The following EIF4H variants were observed in gnomAD, a reference collection of about 807,000 sequenced individuals.
EIF4H encodes Williams-Beuren syndrome chromosome region 1.
In EIF4H, 8 loss-of-function variants were observed where a neutral mutation model predicts 30.6. That is an observed-to-expected ratio of 0.26 (90% CI 0.15 to 0.47). The LOEUF (loss-of-function observed/expected upper bound fraction) is 0.47, where lower values mean the gene tolerates loss of function less well. EIF4H is among the 20% of genes least tolerant of loss of function. The pLI is 0.99. For missense variants in EIF4H, 188 were observed against 339.5 expected (o/e 0.55, Z 3.51); for synonymous variants, 106 against 122.7 (o/e 0.86, Z 0.90).
At chr7:74,193,965 G>C (rs1236783819) in intron 5 of EIF4H, among the ~76,000 whole-genome samples, 1 of 152,186 alleles carries the variant, frequency 6.6e-6, no homozygotes, top group Non-Finnish European at 1.5e-5. Context: ...GTACAAGCCT[G>C]AAGGCCCCTT....
intron 1 of EIF4H, among the ~76,000 whole-genome samples, chr7:74,185,793 T>G (rs1801066959): frequency 6.6e-6 from 1 of 152,118 alleles, no homozygotes; most frequent in South Asian, 2.1e-4. Flanking sequence ...GGGCAGGTCT[T>G]GGGTTGTTGT....
At chr7:74,186,255 G>T (rs1437064719) in intron 1 of EIF4H, among the ~76,000 whole-genome samples, 2 of 145,708 alleles carry the variant, frequency 1.4e-5, no homozygotes, top group Non-Finnish European at 1.5e-5. Context: ...ATGGACTCTC[G>T]CTCTGTCGCC....
rs1563954365 is a variant in EIF4H, at chr7:74,191,438, A to G, written c.469+1132A>G. On this transcript the variant is annotated intron_variant, in intron 5 of 6. Coordinates refer to ENST00000265753, the MANE Select transcript of EIF4H (RefSeq NM_022170.2). ...TGGCCACTGGCGCTCAAGCAGAGACACAGTGAACACGGCCATGGCCTGGCC... is the reference window on the plus strand; with the variant it reads ...TGGCCACTGGCGCTCAAGCAGAGACGCAGTGAACACGGCCATGGCCTGGCC... 1.1e-5 allele frequency: 4 copies of G among 366,602 alleles called. No individual in the cohort carries two copies. The East Asian group carries it at 3.0e-4, about 27-fold the overall frequency. The allele number at this position is 366,602 out of a possible 1,614,324, so 22.7% of individuals were successfully genotyped here.
chr7:74,188,292 T>C (rs1801133110), intron 2 of EIF4H, among the ~76,000 whole-genome samples: 1 of 152,172 alleles, frequency 6.6e-6, no homozygotes, highest in Admixed American at 6.5e-5. Context: ...ATTTCAGATA[T>C]GGTGTCTATA....
intron 5 of EIF4H, among the ~76,000 whole-genome samples, chr7:74,193,715 C>T (rs973596360): frequency 2.0e-5 from 3 of 151,804 alleles, no homozygotes; most frequent in African/African-American, 7.3e-5. Flanking sequence ...CAGGTTCGAG[C>T]GATTATCCTG....
At position 74,174,410 on chromosome 7, in the gene EIF4H, T is replaced by C; in HGVS notation, c.27T>C (p.Asp9=). The C allele has an allele frequency of 6.9e-7, 1 of 1,457,792 alleles. No homozygotes were observed. The highest frequency in any genetic ancestry group is 1.4e-5 in the South Asian group (1 of 72,914). The allele number at this position is 1,457,792 out of a possible 1,614,324, so 90.3% of individuals were successfully genotyped here. ...TGGCGGACTTCGACACCTACGACGA[T>C]CGGGCCTACAGCAGCTTCGGCGGCG... is the stretch of plus-strand genomic sequence containing the variant. The part of the protein sequence containing the change: MADFDTYD[D]RAYSSFGGGR... The change falls in exon 1 of 7, where the codon GAT becomes GAC. Residue 9 remains aspartate (D), a synonymous_variant. Coordinates refer to ENST00000265753, the MANE Select transcript of EIF4H (RefSeq NM_022170.2).
At chr7:74,176,583 T>C (rs1238071352) in intron 1 of EIF4H, among the ~76,000 whole-genome samples, 5 of 152,214 alleles carry the variant, frequency 3.3e-5, no homozygotes, top group Non-Finnish European at 5.9e-5. Flanking sequence ...TCTGAATTAC[T>C]TGGGTCACAG....
chr7:74,174,622 C>G (rs1156424449), intron 1 of EIF4H, among the ~76,000 whole-genome samples, 180 bp downstream of exon 1: 2 of 152,110 alleles, frequency 1.3e-5, no homozygotes, highest in Non-Finnish European at 2.9e-5. Flanking sequence ...GGGGCGGCGG[C>G]GGCTGGGCTC....
In EIF4H at chr7:74,191,052, C is replaced by G. The variant is rs1042893061; in HGVS notation, c.469+746C>G. On this transcript the variant is annotated intron_variant, in intron 5 of 6. Transcript: ENST00000265753. ...GTATAGAACGTCAGCACCCTCCCCC[C>G]ATCAAAACAAAACCGGTGTAAAGTA... The G allele has an allele frequency of 1.5e-5, 6 of 404,824 alleles. 1 individual carries two copies. Among genetic ancestry groups the G allele is most frequent in the African/African-American group, 1.3e-4 (6 of 46,828 alleles). The allele number at this position is 404,824 out of a possible 1,614,324, so 25.1% of individuals were successfully genotyped here.
intron 5 of EIF4H, among the ~76,000 whole-genome samples, chr7:74,190,658 T>C (rs1271338123): frequency 6.6e-6 from 1 of 152,170 alleles, no homozygotes; most frequent in Admixed American, 6.5e-5. Context: ...CTGGAAAACA[T>C]AGGATAGAGG....
At position 74,190,301 on chromosome 7, in the gene EIF4H, A is replaced by G. The variant is rs373771109; in HGVS notation, c.464A>G (p.Asn155Ser). 5 of 1,614,046 alleles carry G rather than the reference A, an allele frequency of 3.1e-6. No homozygotes were observed. The highest frequency in any genetic ancestry group is 3.3e-5 in the Admixed American group (2 of 60,006). The change falls in exon 5 of 7, where the codon AAT becomes AGT. Residue 155 changes from asparagine to serine, a missense_variant. Around this residue, in one of 4 missense-constraint regions of EIF4H, gnomAD observed 76 missense variants for 85.8 expected, o/e 0.89. Coordinates refer to ENST00000265753, the MANE Select transcript of EIF4H (RefSeq NM_022170.2). ...RGGWDSRDDF[N>S]SGFRDDFLGG... Reference sequence around the variant, plus strand: ...GGATGGGATTCCCGGGATGACTTCAATTCTGGTATCAGTATTTAAAGTATC... The same window carrying G: ...GGATGGGATTCCCGGGATGACTTCAGTTCTGGTATCAGTATTTAAAGTATC...
At chr7:74,175,170 A>G (rs1554707489) in intron 1 of EIF4H, among the ~76,000 whole-genome samples, 1 of 152,246 alleles carries the variant, frequency 6.6e-6, no homozygotes, top group East Asian at 1.9e-4. Context: ...CGTCGTCCTG[A>G]TTGTTGTCAA....
At chr7:74,180,315 G>A (rs1000867435) in intron 1 of EIF4H, among the ~76,000 whole-genome samples, 1 of 152,208 alleles carries the variant, frequency 6.6e-6, no homozygotes, top group Non-Finnish European at 1.5e-5. Flanking sequence ...AGAACAGCTA[G>A]TTCAGCTTGT....
chr7:74,177,382 CA>C (rs1272075210), intron 1 of EIF4H, among the ~76,000 whole-genome samples: 1 of 152,140 alleles, frequency 6.6e-6, no homozygotes, highest in Non-Finnish European at 1.5e-5. Flanking sequence ...ACCCATTTTT[CA>C]GTATACATTT....
intron 5 of EIF4H, chr7:74,191,146 G>A (rs1801199834): frequency 1.9e-6 from 1 of 531,708 alleles, no homozygotes; most frequent in Non-Finnish European, 3.9e-6. Context: ...ACTCAGCTTT[G>A]GCTGAACAGG....
chr7:74,192,420 G>A (rs1251628864), intron 5 of EIF4H, among the ~76,000 whole-genome samples: 1 of 152,010 alleles, frequency 6.6e-6, no homozygotes, highest in Non-Finnish European at 1.5e-5. Flanking sequence ...TTCATTACTT[G>A]GTTTGTTAAA....
intron 1 of EIF4H, among the ~76,000 whole-genome samples, chr7:74,179,978 G>A (rs1418114421): frequency 6.6e-6 from 1 of 152,208 alleles, no homozygotes; most frequent in Non-Finnish European, 1.5e-5. Flanking sequence ...CACTTTGGGA[G>A]GCCATGGCAG....
At position 74,174,493 on chromosome 7, in the gene EIF4H, C is replaced by T. The variant is rs782073247; in HGVS notation, c.59+51C>T. The T allele has an allele frequency of 4.6e-6, 6 of 1,311,898 alleles. No homozygotes were observed. The African/African-American group carries it at 7.6e-5, about 17-fold the overall frequency. The allele number at this position is 1,311,898 out of a possible 1,614,324, so 81.3% of individuals were successfully genotyped here. On this transcript the variant is annotated intron_variant, in intron 1 of 6. Transcript: ENST00000265753. ...TCGGGGGCTGCGGGACCGGCGGAGT[C>T]GGGGCCGTCAGGGTGGCGGCCGTCC... is the stretch of plus-strand genomic sequence containing the variant.
chr7:74,181,518 G>T (rs553427422), intron 1 of EIF4H, among the ~76,000 whole-genome samples: 8 of 151,998 alleles, frequency 5.3e-5, no homozygotes, highest in African/African-American at 1.9e-4. Context: ...CACAACCTCC[G>T]CCTCCTGGGT....
Sources: allele counts gnomAD v4.1 joint callset (sites outside exome capture counted in the v4.1 genomes callset), GRCh38; gene constraint gnomAD v4.1.1; regional missense constraint gnomAD v4.1.1; transcripts MANE v1.5; gene names NCBI Gene and HGNC (gene_info 2026-07-23, HGNC 2026-07-21).